The following RBM25 variants were observed in gnomAD, a reference collection of about 807,000 sequenced individuals.
RBM25 encodes the protein RNA binding motif protein 25.
RBM25 carries 19 observed loss-of-function variants against 120.7 expected under a neutral mutation model. The ratio of observed to expected loss-of-function variants is 0.16; its 90% CI spans 0.11 to 0.23. RBM25 has a LOEUF of 0.23. RBM25 is among the 10% of genes least tolerant of loss of function. The pLI, the probability that RBM25 is intolerant of heterozygous loss-of-function variation, is 1.00. For missense variants in RBM25, 605 were observed against 1,041.5 expected, an observed-to-expected ratio of 0.58 and a Z score of 5.77; for synonymous variants, 390 against 326.7, an observed-to-expected ratio of 1.19 and a Z score of -2.09.
chr14:73,116,926 TGAG>T (rs1299605340), intron 18 of RBM25, among the ~76,000 whole-genome samples: 2 of 152,168 alleles, frequency 1.3e-5, no homozygotes, highest in South Asian at 2.1e-4. Flanking sequence ...CTTGAATAAA[TGAG>T]GAGACTGAAT....
intron 4 of RBM25, among the ~76,000 whole-genome samples, chr14:73,080,055 C>T (rs1895521058): frequency 1.3e-5 from 2 of 150,100 alleles, no homozygotes; most frequent in East Asian, 1.9e-4. Flanking sequence ...ATGTTTTCTC[C>T]CTAGGTGTAT....
intron 18 of RBM25, among the ~76,000 whole-genome samples, chr14:73,116,993 T>C (rs1896442056): frequency 6.6e-6 from 1 of 152,096 alleles, no homozygotes; most frequent in Non-Finnish European, 1.5e-5. Flanking sequence ...CTTTATATTA[T>C]ACCTTTTTCA....
At chr14:73,115,179 TG>T (rs1343665611) in intron 18 of RBM25, among the ~76,000 whole-genome samples, 7 of 151,926 alleles carry the variant, frequency 4.6e-5, no homozygotes, top group African/African-American at 1.7e-4. Flanking sequence ...TGTGTGTGTG[TG>T]TGTGTGTGTT....
At chr14:73,112,334 A>C in intron 17 of RBM25, 84 bp downstream of exon 17, 5 of 1,284,734 alleles carry the variant, frequency 3.9e-6, no homozygotes, top group Non-Finnish European at 5.2e-6. Flanking sequence ...GAAATTTTAC[A>C]GAGTCAAGTT....
chr14:73,068,255 A>T lies in RBM25; in HGVS notation c.-15-3372A>T, dbSNP rs538361468. ...AAATGCCTCTTTAATATTTTTATAA[A>T]CCATTTAGACCCCAATAGATTTGGT... On this transcript the variant is annotated intron_variant, in intron 1 of 18. Coordinates refer to ENST00000261973, the MANE Select transcript of RBM25 (RefSeq NM_021239.3). 1.9e-4 allele frequency: 158 copies of T among 853,036 alleles called. 1 individual carries two copies. In the African/African-American group the frequency reaches 2.4e-3, roughly 13 times the overall value. 52.8% of individuals were successfully genotyped at this position (853,036 alleles called of 1,614,324 possible). A position where few individuals can be genotyped will look rare whatever the true frequency, so the allele number is the denominator to read the frequency against.
chr14:73,112,985 TTTTG>T (rs1439105937), intron 17 of RBM25, among the ~76,000 whole-genome samples: 1 of 152,048 alleles, frequency 6.6e-6, no homozygotes, highest in Admixed American at 6.5e-5. Context: ...TTTTTTCTTT[TTTTG>T]TTTTAAATTA....
At chr14:73,105,804 G>C (rs1896173536) in intron 10 of RBM25, 55 bp from the exon 11 acceptor site, 8 of 1,582,288 alleles carry the variant, frequency 5.1e-6, no homozygotes, top group Admixed American at 3.8e-5. Context: ...CTTTACTTTG[G>C]TCTTGAAAAC....
chr14:73,096,588 G>A (rs893945719), intron 6 of RBM25, among the ~76,000 whole-genome samples: 4 of 152,062 alleles, frequency 2.6e-5, no homozygotes, highest in Admixed American at 6.6e-5. Flanking sequence ...TAAAAGAGTC[G>A]TTACTATTTG....
intron 5 of RBM25, among the ~76,000 whole-genome samples, chr14:73,087,414 G>A (rs1029327795): frequency 1.8e-5 from 1 of 56,936 alleles, no homozygotes; most frequent in East Asian, 4.8e-4. Context: ...TTTTTTTTTT[G>A]AGACGGAGTC....
At chr14:73,117,289 T>TGG (rs1896455988) in intron 18 of RBM25, among the ~76,000 whole-genome samples, 1 of 137,130 alleles carries the variant, frequency 7.3e-6, no homozygotes, top group Non-Finnish European at 1.5e-5. Flanking sequence ...GGAGTGACAG[T>TGG]GGCGCGATCT....
intron 6 of RBM25, among the ~76,000 whole-genome samples, chr14:73,091,364 A>G (rs746435771): frequency 6.6e-6 from 1 of 152,002 alleles, no homozygotes; most frequent in Non-Finnish European, 1.5e-5. Flanking sequence ...ACAGGTATGC[A>G]CCACCATACT....
chr14:73,113,428 C>T (rs1489247273), intron 17 of RBM25, among the ~76,000 whole-genome samples: 1 of 151,622 alleles, frequency 6.6e-6, no homozygotes, highest in Non-Finnish European at 1.5e-5. Flanking sequence ...CAGTGGCCCA[C>T]GCCTTGTAAT....
chr14:73,109,219 A>G (rs1896254395), intron 13 of RBM25, 123 bp from the exon 14 acceptor site: 1 of 1,024,128 alleles, frequency 9.8e-7, no homozygotes, highest in Non-Finnish European at 1.5e-6. Context: ...CAGAACATTA[A>G]GACATTCTTT....
chr14:73,102,725 T>C (rs1261450834), intron 9 of RBM25: 4 of 154,396 alleles, frequency 2.6e-5, no homozygotes, highest in African/African-American at 9.6e-5. Context: ...TTTAGTTGCA[T>C]TATAGGTATT....
At chr14:73,100,502 A>G (rs1024282961) in intron 9 of RBM25, 10 of 482,358 alleles carry the variant, frequency 2.1e-5, no homozygotes, top group Non-Finnish European at 2.6e-5. Context: ...GCTTCTCTCA[A>G]TGACAGTGCA....
At chr14:73,068,752 T>C (rs1443316903) in intron 1 of RBM25, 1 of 285,750 alleles carries the variant, frequency 3.5e-6, no homozygotes, top group Admixed American at 4.4e-5. Flanking sequence ...ATTTTTGTAT[T>C]TTTAGTAGAG....
chr14:73,111,197 C>T (rs1174131568), intron 15 of RBM25, 42 bp downstream of exon 15: 4 of 1,498,304 alleles, frequency 2.7e-6, no homozygotes, highest in South Asian at 2.4e-5. Flanking sequence ...CTTCCCTTCA[C>T]CCCTGCAAAT....
chr14:73,072,585 C>G (rs186584251), intron 2 of RBM25, among the ~76,000 whole-genome samples: 27 of 152,204 alleles, frequency 1.8e-4, no homozygotes, highest in Non-Finnish European at 3.8e-4. Context: ...AACAAGTTCA[C>G]AGGTAATTTT....
intron 1 of RBM25, among the ~76,000 whole-genome samples, chr14:73,061,671 A>G (rs1410330781): frequency 1.3e-5 from 2 of 150,988 alleles, no homozygotes; most frequent in African/African-American, 4.9e-5. Context: ...GGCTTAAGCA[A>G]TCCTCCCACC....
Sources: allele counts gnomAD v4.1 joint callset (sites outside exome capture counted in the v4.1 genomes callset), GRCh38; gene constraint gnomAD v4.1.1; transcripts MANE v1.5; gene names NCBI Gene and HGNC (gene_info 2026-07-23, HGNC 2026-07-21).